DLG3: variants seen among roughly 807,000 people sequenced by gnomAD.
DLG3 encodes discs large MAGUK scaffold protein 3, also known as disks large homolog 3.
DLG3 carries 1 observed loss-of-function variant against 64.1 expected under a neutral mutation model. The observed-to-expected ratio is 0.02, with a 90% CI of 0.01 to 0.07. The LOEUF (loss-of-function observed/expected upper bound fraction) is 0.07, where lower values mean the gene tolerates loss of function less well. Ranked by LOEUF, DLG3 falls within the 10% of genes least tolerant of loss-of-function variation. The pLI is 1.00. For missense variants in DLG3, 429 were observed against 669.5 expected, an observed-to-expected ratio of 0.64 and a Z score of 3.96; for synonymous variants, 245 against 259.8, an observed-to-expected ratio of 0.94 and a Z score of 0.55.
At chrX:70,450,545 A>G (rs1228431190) in intron 5 of DLG3, 94 bp from the exon 6 acceptor site, 1 of 1,086,452 alleles carries the variant, frequency 9.2e-7, no homozygotes, top group Non-Finnish European at 1.3e-6. Context: ...CTTTGTTAGC[A>G]TGCTGTTGAA....
At chrX:70,470,898 G>GCCT (rs1158954618) in intron 9 of DLG3, among the ~76,000 whole-genome samples, 2 of 111,884 alleles carry the variant, frequency 1.8e-5, no homozygotes, top group African/African-American at 3.3e-5. Flanking sequence ...CCCCTTTGAT[G>GCCT]CCTTATTGGG....
At chrX:70,472,304 A>G (rs1347273695) in intron 9 of DLG3, among the ~76,000 whole-genome samples, 2 of 112,110 alleles carry the variant, frequency 1.8e-5, no homozygotes, top group Non-Finnish European at 3.8e-5. Flanking sequence ...TATAATCCCA[A>G]CACTTTGGGA....
At chrX:70,480,626 C>T (rs1157003005) in intron 10 of DLG3, among the ~76,000 whole-genome samples, 1 of 112,116 alleles carries the variant, frequency 8.9e-6, no homozygotes, top group East Asian at 2.8e-4. Flanking sequence ...AGTCTGCAGC[C>T]TGGATACTGG....
In DLG3 at chrX:70,445,078, T is replaced by G; in HGVS notation, c.-124T>G. ...GGGCGCCCCCACGGGTGCCCCCCCC[T>G]TCTTGGTCCGAGCAGTGTGAGTGTG... On this transcript the variant is annotated 5_prime_UTR_variant, in exon 1 of 19. Coordinates refer to ENST00000374360, the MANE Select transcript of DLG3 (RefSeq NM_021120.4). The G allele has an allele frequency of 1.9e-6, 1 of 526,673 alleles. No homozygotes were observed. The highest frequency in any genetic ancestry group is 2.8e-6 in the Non-Finnish European group (1 of 358,970). The allele number at this position is 526,673 out of a possible 1,213,427, so 43.4% of individuals were successfully genotyped here. A position where few individuals can be genotyped will look rare whatever the true frequency, so the allele number is the denominator to read the frequency against.
chrX:70,449,053 T>C (rs2086593083), intron 2 of DLG3, 90 bp downstream of exon 2: 1 of 1,006,471 alleles, frequency 9.9e-7, no homozygotes, highest in African/African-American at 1.9e-5. Context: ...TCAAGACCCA[T>C]GGGGGGACCT....
At chrX:70,448,466 A>G in intron 1 of DLG3, 1 of 595,213 alleles carries the variant, frequency 1.7e-6, no homozygotes, top group Non-Finnish European at 2.6e-6. Context: ...CCAGTCAGGG[A>G]GAACTGTGGT....
intron 9 of DLG3, among the ~76,000 whole-genome samples, chrX:70,466,736 A>G (rs372797767): frequency 1.8e-5 from 2 of 111,020 alleles, no homozygotes; most frequent in South Asian, 7.7e-4. Flanking sequence ...CACTGCGCCC[A>G]GCCTGTTTTT....
chrX:70,478,723 C>T (rs1469184163), intron 9 of DLG3, among the ~76,000 whole-genome samples: 1 of 111,606 alleles, frequency 9.0e-6, no homozygotes, highest in African/African-American at 3.3e-5. Context: ...CTCCGCTCTG[C>T]GTCTCAGGGC....
intron 7 of DLG3, 133 bp from the exon 8 acceptor site, chrX:70,453,504 G>C: frequency 4.1e-6 from 4 of 967,066 alleles, no homozygotes; most frequent in Non-Finnish European, 5.5e-6. Flanking sequence ...GACAAAGGGA[G>C]GCTCAGGGTA....
At chrX:70,455,060 G>A in intron 9 of DLG3, 1 of 742,713 alleles carries the variant, frequency 1.3e-6, no homozygotes. Context: ...CCCGCCCCCT[G>A]ACCCAGGAGG....
chrX:70,448,907 C>T lies in DLG3; in HGVS notation c.358-6C>T, dbSNP rs759047407. ...CACTAAGGGAACTGCCTGTGTCTCC[C>T]CCTAGGTGAATGGCAGTGATGGCAT... On this transcript the variant is annotated splice_region_variant and splice_polypyrimidine_tract_variant and intron_variant, in intron 1 of 18. Transcript: ENST00000374360. The T allele has an allele frequency of 9.1e-6, 11 of 1,206,205 alleles. No individual in the cohort carries two copies. Among genetic ancestry groups the T allele is most frequent in the Non-Finnish European group, 1.1e-5 (10 of 893,969 alleles).
intron 10 of DLG3, among the ~76,000 whole-genome samples, chrX:70,485,920 G>A (rs1184016810): frequency 9.0e-6 from 1 of 111,397 alleles, no homozygotes; most frequent in Admixed American, 9.6e-5. Flanking sequence ...GCATCCCTTC[G>A]AGGATATTTT....
At chrX:70,493,845 A>G (rs1402622047) in intron 12 of DLG3, among the ~76,000 whole-genome samples, 1 of 112,442 alleles carries the variant, frequency 8.9e-6, no homozygotes, top group Admixed American at 9.4e-5. Flanking sequence ...TCAAGAGAAC[A>G]AGGTCTAGGG....
At chrX:70,479,068 G>C (rs2087107575) in intron 9 of DLG3, 82 bp from the exon 10 acceptor site, 1 of 926,685 alleles carries the variant, frequency 1.1e-6, no homozygotes, top group East Asian at 3.1e-5. Flanking sequence ...GGGCCTTCTG[G>C]CTTTTTGGCT....
At chrX:70,486,257 G>A (rs1486074669) in intron 10 of DLG3, among the ~76,000 whole-genome samples, 1 of 112,054 alleles carries the variant, frequency 8.9e-6, no homozygotes, top group Admixed American at 9.5e-5. Context: ...GCTCTCCCTG[G>A]CTTCGTAGAG....
Position 70,502,294 on chromosome X carries a change from G to A in DLG3, c.*25G>A, listed in dbSNP as rs1444936661. 1 of 1,066,092 alleles carries A rather than the reference G, an allele frequency of 9.4e-7. No homozygotes were observed. Among genetic ancestry groups the A allele is most frequent in the African/African-American group, 1.9e-5 (1 of 53,960 alleles). The allele number at this position is 1,066,092 out of a possible 1,213,427, so 87.9% of individuals were successfully genotyped here. On this transcript the variant is annotated 3_prime_UTR_variant, in exon 19 of 19. Transcript: ENST00000374360. ...AAGAATCCCCTCCAACCATTCTCTT[G>A]TGAACAGAAGAAATCAAGTCCCTCT... is the stretch of plus-strand genomic sequence containing the variant.
chrX:70,464,369 C>T (rs1448447513), intron 9 of DLG3, among the ~76,000 whole-genome samples: 1 of 109,947 alleles, frequency 9.1e-6, no homozygotes, highest in Admixed American at 9.8e-5. Context: ...CTCCAGTGAT[C>T]CTCCCACCTC....
chrX:70,457,637 T>A (rs1362430463), intron 9 of DLG3, among the ~76,000 whole-genome samples: 2 of 107,795 alleles, frequency 1.9e-5, no homozygotes, highest in Admixed American at 9.9e-5. Context: ...AGTGGCACGA[T>A]CTCGGCTCAC....
intron 9 of DLG3, among the ~76,000 whole-genome samples, chrX:70,466,295 G>GT (rs2086886253): frequency 4.1e-5 from 4 of 97,586 alleles, no homozygotes; most frequent in African/African-American, 1.1e-4. Context: ...GTGTGTGTGT[G>GT]GATTGCCTGT....
Sources: gnomAD v4.1 joint callset for allele counts (sites outside exome capture counted in the v4.1 genomes callset) on GRCh38, gnomAD v4.1.1 for gene constraint, MANE v1.5 for transcripts, NCBI Gene and HGNC (gene_info 2026-07-23, HGNC 2026-07-21) for gene names.